CADPS: variants seen among roughly 807,000 people sequenced by gnomAD.
CADPS encodes the protein calcium-dependent secretion activator 1.
A neutral mutation model predicts 167.3 loss-of-function variants in CADPS; 57 were observed. That is an observed-to-expected ratio of 0.34 (90% confidence interval 0.28 to 0.42). CADPS has a LOEUF of 0.42. Among genes scored for constraint, CADPS ranks in the 20% least tolerant of loss-of-function variants. The probability of loss-of-function intolerance (pLI) is 1.00; values close to 1 mark genes in which losing one functional copy is unlikely to be tolerated. For missense variants in CADPS, 1,414 were observed against 1,738.1 expected (o/e 0.81, Z 3.32); for synonymous variants, 676 against 635.3 (o/e 1.06, Z -0.96).
At chr3:62,869,741 C>T (rs962569878) in intron 1 of CADPS, among the ~76,000 whole-genome samples, 3 of 152,148 alleles carry the variant, frequency 2.0e-5, no homozygotes, top group Non-Finnish European at 4.4e-5. Context: ...CTTCTGCCAT[C>T]AAGCCTGGGT....
chr3:62,744,262 T>C (rs1240266622), intron 3 of CADPS, among the ~76,000 whole-genome samples: 1 of 152,046 alleles, frequency 6.6e-6, no homozygotes, highest in Non-Finnish European at 1.5e-5. Flanking sequence ...GGACGTAAAT[T>C]ATGAAGCCTC....
intron 13 of CADPS, among the ~76,000 whole-genome samples, chr3:62,522,014 C>G (rs764134808): frequency 2.0e-5 from 3 of 152,100 alleles, no homozygotes; most frequent in African/African-American, 7.2e-5. Flanking sequence ...AGCAGCTGTG[C>G]CTTGACCAGA....
intron 10 of CADPS, among the ~76,000 whole-genome samples, chr3:62,554,310 G>T (rs1251787700): frequency 6.6e-6 from 1 of 152,158 alleles, no homozygotes; most frequent in African/African-American, 2.4e-5. Context: ...ACACGTCAAG[G>T]ACCCAAACAG....
chr3:62,752,571 T>C (rs371748444), intron 3 of CADPS, among the ~76,000 whole-genome samples: 2 of 152,332 alleles, frequency 1.3e-5, no homozygotes, highest in African/African-American at 4.8e-5. Flanking sequence ...AGATTTTATA[T>C]ACTGGGAATA....
intron 26 of CADPS, among the ~76,000 whole-genome samples, chr3:62,448,927 C>G (rs570237024): frequency 2.0e-5 from 3 of 152,208 alleles, no homozygotes; most frequent in African/African-American, 7.2e-5. Context: ...GGATATTGAA[C>G]TTTAAGAAGG....
At chr3:62,583,552 C>A (rs2083917122) in intron 8 of CADPS, among the ~76,000 whole-genome samples, 1 of 152,158 alleles carries the variant, frequency 6.6e-6, no homozygotes, top group Admixed American at 6.5e-5. Flanking sequence ...GCTCCTGTGG[C>A]TTTTTCACAC....
At chr3:62,634,318 C>T (rs1328439689) in intron 6 of CADPS, among the ~76,000 whole-genome samples, 1 of 152,040 alleles carries the variant, frequency 6.6e-6, no homozygotes, top group Non-Finnish European at 1.5e-5. Context: ...TACTATTTAT[C>T]TTCTTAGTCA....
At chr3:62,823,493 A>T (rs1470526115) in intron 1 of CADPS, among the ~76,000 whole-genome samples, 1 of 152,196 alleles carries the variant, frequency 6.6e-6, no homozygotes, top group East Asian at 1.9e-4. Context: ...ATGAGTTTTT[A>T]AAATATTCTT....
intron 3 of CADPS, among the ~76,000 whole-genome samples, chr3:62,677,763 A>G (rs1364141871): frequency 1.3e-5 from 2 of 152,092 alleles, no homozygotes; most frequent in Non-Finnish European, 1.5e-5. Context: ...TAACTGTTAA[A>G]CCCTTCCCAG....
chr3:62,556,032 T>C (rs2078085128), intron 10 of CADPS, among the ~76,000 whole-genome samples: 1 of 152,162 alleles, frequency 6.6e-6, no homozygotes, highest in South Asian at 2.1e-4. Flanking sequence ...CCACCACTCC[T>C]CACCCTAGCC....
Position 62,491,369 on chromosome 3 carries a change from C to T in CADPS, c.2996G>A (p.Gly999Asp). 6.2e-7 allele frequency: 1 copy of T among 1,614,082 alleles called. No individual in the cohort carries two copies. The highest frequency in any genetic ancestry group is 8.5e-7 in the Non-Finnish European group (1 of 1,179,996). ...TGGTTCCCATGACTCCCGCTCAAAGCCCCTGTGAATGGATTGTGCAATTGA... is the reference window on the plus strand; with the variant it reads ...TGGTTCCCATGACTCCCGCTCAAAGTCCCTGTGAATGGATTGTGCAATTGA... ...ESSIAQSIHR[G>D]FERESWEPVK... Residue 999 changes from glycine to aspartate, a missense_variant, in exon 21 of 30, where the codon GGC (glycine) becomes GAC (aspartate). By Grantham distance (94) the Gly-to-Asp change is moderately conservative. Coordinates refer to ENST00000383710, the MANE Select transcript of CADPS (RefSeq NM_003716.4).
chr3:62,651,235 A>G (rs2070044119), intron 4 of CADPS, among the ~76,000 whole-genome samples, 155 bp from the exon 5 acceptor site: 1 of 152,188 alleles, frequency 6.6e-6, no homozygotes, highest in South Asian at 2.1e-4. Context: ...TGTTCAGCCT[A>G]TTTGAGTAGA....
At chr3:62,435,537 TA>T (rs2054826613) in intron 28 of CADPS, among the ~76,000 whole-genome samples, 1 of 152,214 alleles carries the variant, frequency 6.6e-6, no homozygotes, top group Admixed American at 6.5e-5. Flanking sequence ...ACAGATTCAA[TA>T]ACTTTTTTTG....
rs1023900797 is a variant in CADPS at position 62,398,713 on chromosome 3, T to C, written c.*693A>G. 1 of 152,302 alleles carries C rather than the reference T, an allele frequency of 6.6e-6. No individual in the cohort carries two copies. Among genetic ancestry groups the C allele is most frequent in the Non-Finnish European group, 1.5e-5 (1 of 68,018 alleles). 9.4% of individuals were successfully genotyped at this position (152,302 alleles called of 1,614,324 possible). On this transcript the variant is annotated 3_prime_UTR_variant, in exon 30 of 30. Coordinates refer to ENST00000383710, the MANE Select transcript of CADPS (RefSeq NM_003716.4). ...AGGAGAAAACTTTGACAGAAGACAG[T>C]AGTTTTGAACTGCGCGCTTGATGTT...
At chr3:62,547,124 T>C (rs1189483295) in intron 11 of CADPS, among the ~76,000 whole-genome samples, 2 of 152,198 alleles carry the variant, frequency 1.3e-5, no homozygotes. Context: ...CTGCAGTTTT[T>C]ATTAAGTGCT....
intron 3 of CADPS, among the ~76,000 whole-genome samples, chr3:62,710,483 A>G (rs1307642243): frequency 6.6e-6 from 1 of 152,166 alleles, no homozygotes; most frequent in Non-Finnish European, 1.5e-5. Flanking sequence ...CAAATCTTAA[A>G]TATATAGGTC....
At chr3:62,516,001 TC>T in intron 16 of CADPS, 57 bp downstream of exon 16, 3 of 1,604,726 alleles carry the variant, frequency 1.9e-6, no homozygotes, top group Non-Finnish European at 1.7e-6. Context: ...GAGAAAGACT[TC>T]CCCAGGGAGG....
At chr3:62,454,724 T>C (rs1433338281) in intron 26 of CADPS, among the ~76,000 whole-genome samples, 1 of 152,124 alleles carries the variant, frequency 6.6e-6, no homozygotes, top group Non-Finnish European at 1.5e-5. Context: ...CAGAGGGCCA[T>C]GGGAAAGTGG....
chr3:62,589,476 A>T (rs1046008489), intron 7 of CADPS, among the ~76,000 whole-genome samples: 3 of 152,278 alleles, frequency 2.0e-5, no homozygotes, highest in Non-Finnish European at 2.9e-5. Context: ...TCACCACCAC[A>T]GCACAGCCCA....
Sources: allele counts gnomAD v4.1 joint callset (sites outside exome capture counted in the v4.1 genomes callset), GRCh38; gene constraint gnomAD v4.1.1; transcripts MANE v1.5; gene names NCBI Gene and HGNC (gene_info 2026-07-23, HGNC 2026-07-21).